Variants in ALDH5A1 observed in about 807,000 individuals in gnomAD.
ALDH5A1 encodes the protein aldehyde dehydrogenase 5 family member A1, also known as succinate-semialdehyde dehydrogenase, mitochondrial.
A neutral mutation model predicts 54.7 loss-of-function variants in ALDH5A1; 33 were observed. The observed-to-expected ratio is 0.60, with a 90% CI of 0.46 to 0.81. ALDH5A1 has a LOEUF of 0.81. ALDH5A1 is among the 30% of genes least tolerant of loss of function. ALDH5A1 has a pLI of 0.00. For synonymous variants in ALDH5A1, 294 were observed against 292.7 expected (o/e 1.00, Z -0.05); for missense variants, 657 against 711.0 (o/e 0.92, Z 0.86).
At chr6:24,526,870 T>C (rs1322510699) in intron 7 of ALDH5A1, among the ~76,000 whole-genome samples, 1 of 124,712 alleles carries the variant, frequency 8.0e-6, no homozygotes, top group Non-Finnish European at 1.6e-5. Flanking sequence ...TATATATATA[T>C]ATCTTCTATA....
At chr6:24,501,301 T>G (rs559936044) in intron 1 of ALDH5A1, among the ~76,000 whole-genome samples, 1 of 152,312 alleles carries the variant, frequency 6.6e-6, no homozygotes, top group African/African-American at 2.4e-5. Flanking sequence ...TTTTTGAACT[T>G]TTCTTCCCCT....
Position 24,495,362 on chromosome 6 carries a change from C to T in ALDH5A1, c.354+12C>T, listed in dbSNP as rs1359150148. The stretch of plus-strand genomic sequence containing the variant: ...AGGTCTCCGCCAAGGTGAGAGAGCC[C>T]GGATGCAGGGGGCCAGAGCTGGCCG... On this transcript the variant is annotated intron_variant, in intron 1 of 9. Coordinates refer to ENST00000357578, the MANE Select transcript of ALDH5A1 (RefSeq NM_001080.3). 3 of 1,532,064 alleles carry T rather than the reference C, an allele frequency of 2.0e-6. No homozygotes were observed. The highest frequency in any genetic ancestry group is 2.5e-5 in the East Asian group (1 of 40,782). The allele number at this position is 1,532,064 out of a possible 1,614,324, so 94.9% of individuals were successfully genotyped here. A position where few individuals can be genotyped will look rare whatever the true frequency, so the allele number is the denominator to read the frequency against.
intron 7 of ALDH5A1, among the ~76,000 whole-genome samples, chr6:24,526,969 T>TCTACTATATATATATATATATATCTA (rs1313426225): frequency 1.4e-4 from 1 of 7,294 alleles, no homozygotes; most frequent in African/African-American, 3.1e-4. Context: ...TATATATGTG[T>TCTACTATATATATATATATATATCTA]GTGTGTATAT....
Position 24,495,176 on chromosome 6 carries a change from C to T in ALDH5A1, c.180C>T (p.Arg60=), listed in dbSNP as rs1306264998. The part of the protein sequence containing the change: ...RLAGLSAALL[R]TDSFVGGRWL... The stretch of plus-strand genomic sequence containing the variant: ...CGGGCCTCTCTGCGGCGCTGCTGCG[C>T]ACCGACAGCTTCGTGGGCGGCCGCT... Residue 60 remains arginine, a synonymous_variant, in exon 1 of 10, where the codon CGC becomes CGT. Coordinates refer to ENST00000357578, the MANE Select transcript of ALDH5A1 (RefSeq NM_001080.3). 1.3e-6 allele frequency: 2 copies of T among 1,498,820 alleles called. No homozygotes were observed. 92.8% of individuals were successfully genotyped at this position (1,498,820 alleles called of 1,614,324 possible). A position where few individuals can be genotyped will look rare whatever the true frequency, so the allele number is the denominator to read the frequency against.
In ALDH5A1 at chr6:24,515,266, C is replaced by T. The variant is rs754957668; in HGVS notation, c.826C>T (p.Leu276=). Residue 276 remains leucine (L), a synonymous_variant, in exon 5 of 10, where the codon CTG becomes TTG. Coordinates refer to ENST00000357578, the MANE Select transcript of ALDH5A1 (RefSeq NM_001080.3). ...AGGGGAGGCAATTTGTACTGATCCTCTGGTGTCCAAAATTTCCTTTACTGG... is the reference window on the plus strand; with the variant it reads ...AGGGGAGGCAATTTGTACTGATCCTTTGGTGTCCAAAATTTCCTTTACTGG... ...EVGEAICTDP[L]VSKISFTGST... is the part of the protein sequence containing the mutation. The T allele has an allele frequency of 4.3e-6, 7 of 1,614,036 alleles. No homozygotes were observed. The South Asian group carries it at 7.7e-5, about 18-fold the overall frequency.
chr6:24,505,546 C>G (rs1759322275), intron 4 of ALDH5A1, among the ~76,000 whole-genome samples: 1 of 152,174 alleles, frequency 6.6e-6, no homozygotes, highest in African/African-American at 2.4e-5. Context: ...CAGCCTTGCC[C>G]TCCACTCAAA....
intron 1 of ALDH5A1, among the ~76,000 whole-genome samples, chr6:24,497,334 C>T (rs539390802): frequency 1.4e-4 from 21 of 148,234 alleles, no homozygotes; most frequent in Admixed American, 9.3e-4. Flanking sequence ...TTTTACAGAG[C>T]GCTGATTGGT....
At chr6:24,506,450 A>C (rs1259798477) in intron 4 of ALDH5A1, among the ~76,000 whole-genome samples, 2 of 151,194 alleles carry the variant, frequency 1.3e-5, no homozygotes, top group South Asian at 2.1e-4. Flanking sequence ...ACTGGGTTTC[A>C]CCATCTTGGC....
At position 24,522,735 on chromosome 6, in the gene ALDH5A1, A is replaced by G. The variant is rs756308457; in HGVS notation, c.1015-32A>G. The G allele has an allele frequency of 3.1e-6, 5 of 1,612,632 alleles. No homozygotes were observed. In the East Asian group the frequency reaches 1.1e-4, roughly 36 times the overall value. ...TGGTCAGGTCTGCAGCTTCTGACAG[A>G]CTGTGTGGGTTTGTTTTTGTCTCCT... On this transcript the variant is annotated intron_variant, in intron 6 of 9. Coordinates refer to ENST00000357578, the MANE Select transcript of ALDH5A1 (RefSeq NM_001080.3).
At chr6:24,503,513 A>ACACCTGCTCAC in intron 3 of ALDH5A1, 80 bp downstream of exon 3, 5 of 1,530,548 alleles carry the variant, frequency 3.3e-6, no homozygotes, top group Non-Finnish European at 3.6e-6. Context: ...CCTCGTGAGC[A>ACACCTGCTCAC]GGTGTGCTCA....
At chr6:24,496,001 GAGT>G (rs1764697077) in intron 1 of ALDH5A1, among the ~76,000 whole-genome samples, 2 of 152,298 alleles carry the variant, frequency 1.3e-5, no homozygotes, top group African/African-American at 4.8e-5. Flanking sequence ...GGGAAGAATA[GAGT>G]AAGAAGAAAA....
At chr6:24,515,346 T>A (rs750170290) in intron 5 of ALDH5A1, 36 bp downstream of exon 5, 22 of 1,605,900 alleles carry the variant, frequency 1.4e-5, no homozygotes, top group Non-Finnish European at 3.4e-6. Context: ...ACAAATGTCT[T>A]TCTAATATTT....
chr6:24,535,099 T>C lies in ALDH5A1; in HGVS notation c.*1387T>C, dbSNP rs989798877. ...GTAGGTGGAGACGAAGCACCTTCCT[T>C]TCCCCATCTCTGTCTGTGTAGACTC... On this transcript the variant is annotated 3_prime_UTR_variant, in exon 10 of 10. Coordinates refer to ENST00000357578, the MANE Select transcript of ALDH5A1 (RefSeq NM_001080.3). 2 of 152,252 alleles carry C rather than the reference T, an allele frequency of 1.3e-5. No homozygotes were observed. The highest frequency in any genetic ancestry group is 2.9e-5 in the Non-Finnish European group (2 of 68,038). The allele number at this position is 152,252 out of a possible 1,614,324, so 9.4% of individuals were successfully genotyped here.
intron 3 of ALDH5A1, among the ~76,000 whole-genome samples, 159 bp from the exon 4 acceptor site, chr6:24,504,710 C>CGG (rs11376824): frequency 1.5e-3 from 230 of 152,182 alleles, no homozygotes; most frequent in African/African-American, 5.2e-3. Context: ...CTCAAGTTGG[C>CGG]GGGGGGGTCA....
chr6:24,531,194 C>T (rs1341415608), intron 8 of ALDH5A1, among the ~76,000 whole-genome samples: 4 of 152,166 alleles, frequency 2.6e-5, no homozygotes, highest in African/African-American at 9.7e-5. Context: ...ACTTCACTGG[C>T]CTTGTTACAT....
Position 24,520,415 on chromosome 6 carries a change from C to A in ALDH5A1, c.885C>A (p.His295Gln). The change falls in exon 6 of 10, where the codon CAC becomes CAA. Residue 295 changes from histidine to glutamine, a missense_variant. His to Gln is a conservative substitution (Grantham distance 24). Coordinates refer to ENST00000357578, the MANE Select transcript of ALDH5A1 (RefSeq NM_001080.3). ...STTTGKILLH[H>Q]AANSVKRVSM... Reference sequence around the variant, plus strand: ...TCTGCTCACAGATCCTGTTGCACCACGCAGCAAACTCTGTGAAAAGGGTCT... The same window carrying A: ...TCTGCTCACAGATCCTGTTGCACCAAGCAGCAAACTCTGTGAAAAGGGTCT... 6.2e-7 allele frequency: 1 copy of A among 1,614,086 alleles called. No homozygotes were observed.
chr6:24,512,400 A>G (rs1197594409), intron 4 of ALDH5A1, among the ~76,000 whole-genome samples: 10 of 152,138 alleles, frequency 6.6e-5, no homozygotes, highest in African/African-American at 1.9e-4. Context: ...CTTCCCATCC[A>G]CCATGATCTC....
intron 1 of ALDH5A1, among the ~76,000 whole-genome samples, chr6:24,501,658 G>C (rs972068864): frequency 6.6e-6 from 1 of 152,018 alleles, no homozygotes; most frequent in Non-Finnish European, 1.5e-5. Context: ...TTGCAGTGAG[G>C]TATGATCACA....
In ALDH5A1 at chr6:24,495,185, C is replaced by T. The variant is rs1288315589; in HGVS notation, c.189C>T (p.Ser63=). ...GLSAALLRTD[S]FVGGRWLPAA... is the part of the protein sequence containing the mutation. ...CTGCGGCGCTGCTGCGCACCGACAG[C>T]TTCGTGGGCGGCCGCTGGCTCCCGG... The change falls in exon 1 of 10, where the codon AGC becomes AGT. Residue 63 remains serine, a synonymous_variant. Transcript: ENST00000357578. 1 of 1,503,342 alleles carries T rather than the reference C, an allele frequency of 6.7e-7. No individual in the cohort carries two copies. The highest frequency in any genetic ancestry group is 1.2e-5 in the South Asian group (1 of 80,882). 93.1% of individuals were successfully genotyped at this position (1,503,342 alleles called of 1,614,324 possible). A position where few individuals can be genotyped will look rare whatever the true frequency, so the allele number is the denominator to read the frequency against.
Sources: allele counts gnomAD v4.1 joint callset (sites outside exome capture counted in the v4.1 genomes callset), GRCh38; gene constraint gnomAD v4.1.1; transcripts MANE v1.5; gene names NCBI Gene and HGNC (gene_info 2026-07-23, HGNC 2026-07-21).